The following INTS8 variants were observed in gnomAD, a reference collection of about 807,000 sequenced individuals.
INTS8 encodes protein kaonashi-1.
A neutral mutation model predicts 138.9 loss-of-function variants in INTS8; 47 were observed. The observed-to-expected ratio is 0.34, with a 90% CI of 0.27 to 0.43. The LOEUF (loss-of-function observed/expected upper bound fraction) is 0.43, where lower values mean the gene tolerates loss of function less well. INTS8 is among the 20% of genes least tolerant of loss of function. INTS8 has a pLI of 1.00. For synonymous variants in INTS8, 392 were observed against 400.9 expected, an observed-to-expected ratio of 0.98 and a Z score of 0.27; for missense variants, 996 against 1,173.0, an observed-to-expected ratio of 0.85 and a Z score of 2.20.
intron 6 of INTS8, among the ~76,000 whole-genome samples, 180 bp from the exon 7 acceptor site, chr8:94,836,344 G>C (rs1048246484): frequency 3.3e-5 from 5 of 152,112 alleles, no homozygotes; most frequent in African/African-American, 1.2e-4. Context: ...TGCTTAAGTT[G>C]ACCAGAGTTG....
chr8:94,861,291 T>C (rs1241475065), intron 16 of INTS8, among the ~76,000 whole-genome samples: 1 of 46,640 alleles, frequency 2.1e-5, no homozygotes, highest in African/African-American at 8.1e-5. Context: ...AGACGGAGTC[T>C]CGCTCTGTCG....
At chr8:94,837,042 GAT>G (rs1365182567) in intron 7 of INTS8, among the ~76,000 whole-genome samples, 2 of 152,114 alleles carry the variant, frequency 1.3e-5, no homozygotes, top group Admixed American at 6.6e-5. Flanking sequence ...TCAGATTTCA[GAT>G]ATGTTTAAGT....
chr8:94,861,750 C>T (rs1367472084), intron 16 of INTS8, among the ~76,000 whole-genome samples: 4 of 150,872 alleles, frequency 2.7e-5, no homozygotes, highest in Non-Finnish European at 4.4e-5. Flanking sequence ...TGGGGTTTCT[C>T]CATGTTAGTC....
intron 16 of INTS8, chr8:94,859,887 A>T: frequency 2.7e-6 from 1 of 371,318 alleles, no homozygotes; most frequent in Non-Finnish European, 5.0e-6. Flanking sequence ...CATTGGTGTA[A>T]TCCTAAGTAA....
chr8:94,844,214 T>C (rs539827102), intron 10 of INTS8, among the ~76,000 whole-genome samples: 2 of 151,986 alleles, frequency 1.3e-5, no homozygotes, highest in Non-Finnish European at 2.9e-5. Flanking sequence ...AATTTTTGTA[T>C]TTTTAGTAGA....
At position 94,838,535 on chromosome 8, in the gene INTS8, C is replaced by G; in HGVS notation, c.934C>G (p.Leu312Val). Residue 312 changes from leucine to valine, a missense_variant, in exon 8 of 27, where the codon CTT becomes GTT. Physicochemically the swap from Leu to Val is conservative, Grantham distance 32. Coordinates refer to ENST00000523731, the MANE Select transcript of INTS8 (RefSeq NM_017864.4). ...TGGCTATTGTCAAGCATGTGATGTT[C>G]TTGTACCTTCTTCTGATAGTACATC... ...LAGYCQACDVLVPSSDSTSQQ... is the reference protein window; with the variant it reads ...LAGYCQACDVVVPSSDSTSQQ... The G allele has an allele frequency of 6.2e-7, 1 of 1,612,218 alleles. No homozygotes were observed. Among genetic ancestry groups the G allele is most frequent in the South Asian group, 1.1e-5 (1 of 91,036 alleles).
chr8:94,880,175 C>G lies in INTS8; in HGVS notation c.2929C>G (p.Leu977Val), dbSNP rs1347185793. 1 of 1,612,330 alleles carries G rather than the reference C, an allele frequency of 6.2e-7. No homozygotes were observed. ...NASNPEEVLQ[L>V]AAQRRKKKFL... ...AAGCAATCCAGAAGAAGTGTTACAG[C>G]TGGCAGCGCAGAGAAGGAAAAAAAA... Residue 977 changes from leucine to valine, a missense_variant, in exon 27 of 27, where the codon CTG becomes GTG. By Grantham distance (32) the Leu-to-Val change is conservative. Coordinates refer to ENST00000523731, the MANE Select transcript of INTS8 (RefSeq NM_017864.4).
chr8:94,878,621 C>T (rs1055634869), intron 26 of INTS8, among the ~76,000 whole-genome samples: 3 of 152,196 alleles, frequency 2.0e-5, no homozygotes, highest in Non-Finnish European at 4.4e-5. Flanking sequence ...CAACCTCTCC[C>T]ATAGTCTATA....
intron 5 of INTS8, among the ~76,000 whole-genome samples, chr8:94,829,485 C>A (rs73269199): frequency 6.6e-6 from 1 of 151,958 alleles, no homozygotes; most frequent in South Asian, 2.1e-4. Context: ...GGCCATAATG[C>A]GAGCGATGGG....
intron 14 of INTS8, among the ~76,000 whole-genome samples, chr8:94,854,364 T>A (rs904774159): frequency 1.3e-5 from 2 of 152,212 alleles, no homozygotes; most frequent in African/African-American, 4.8e-5. Flanking sequence ...TTCTTTTTGC[T>A]TTACCGTTAT....
chr8:94,847,286 C>G (rs1335284630), intron 10 of INTS8, among the ~76,000 whole-genome samples: 1 of 152,156 alleles, frequency 6.6e-6, no homozygotes, highest in Non-Finnish European at 1.5e-5. Context: ...AAGTGATCCT[C>G]CCACCTCTGC....
chr8:94,857,677 C>T (rs1047020298), intron 15 of INTS8, among the ~76,000 whole-genome samples: 2 of 152,200 alleles, frequency 1.3e-5, no homozygotes, highest in African/African-American at 4.8e-5. Context: ...TGCATTGCTC[C>T]AGTCTCTGCT....
At chr8:94,862,663 A>G (rs146617954) in intron 16 of INTS8, among the ~76,000 whole-genome samples, 5 of 152,336 alleles carry the variant, frequency 3.3e-5, no homozygotes, top group Middle Eastern at 3.4e-3. Context: ...ATTGTCACTT[A>G]GATGTCTCTT....
rs1015744630 is a variant in INTS8, at chr8:94,850,174, C to T, written c.1507+83C>T. ...TAACCTTGAAATATATTTGAGGATT[C>T]TCTCTTGTTTTAATTAACACTTGTG... On this transcript the variant is annotated intron_variant, in intron 12 of 26. Transcript: ENST00000523731. The T allele has an allele frequency of 4.2e-6, 4 of 950,230 alleles. No homozygotes were observed. The African/African-American group carries it at 5.0e-5, about 12-fold the overall frequency. 58.9% of individuals were successfully genotyped at this position (950,230 alleles called of 1,614,324 possible).
rs773285659 is a variant in INTS8, at chr8:94,865,464, A to G, written c.2077-42A>G. 5.8e-6 allele frequency: 9 copies of G among 1,539,368 alleles called. No homozygotes were observed. The East Asian group carries it at 2.0e-4, about 35-fold the overall frequency. ...TGATAATAGAACTAATGTGCACGAC[A>G]TTACAGATTATCTTTTGTGTATTTT... On this transcript the variant is annotated intron_variant, in intron 16 of 26. Coordinates refer to ENST00000523731, the MANE Select transcript of INTS8 (RefSeq NM_017864.4).
chr8:94,836,558 A>G lies in INTS8; in HGVS notation c.788A>G (p.Gln263Arg). The stretch of plus-strand genomic sequence containing the variant: ...GATTTGGGCGCAGCATACTTCCAGC[A>G]AGGCTCCACAAATTCAGCTGTCTAT... Reference protein sequence around the residue: ...CYDLGAAYFQQGSTNSAVYEN... With the variant: ...CYDLGAAYFQRGSTNSAVYEN... Residue 263 changes from glutamine (Q) to arginine (R), a missense_variant, in exon 7 of 27, where the codon CAA (glutamine) becomes CGA (arginine). Transcript: ENST00000523731. 6.2e-7 allele frequency: 1 copy of G among 1,614,068 alleles called. No homozygotes were observed. The highest frequency in any genetic ancestry group is 8.5e-7 in the Non-Finnish European group (1 of 1,179,970).
chr8:94,859,874 A>T, intron 16 of INTS8: 6 of 421,998 alleles, frequency 1.4e-5, no homozygotes. Context: ...TTAACAGATA[A>T]CACATTGGTG....
intron 23 of INTS8, chr8:94,875,807 T>G (rs1586533579): frequency 2.6e-6 from 1 of 382,982 alleles, no homozygotes; most frequent in East Asian, 5.8e-5. Context: ...TTGGCAGTTT[T>G]CCATCCCCTT....
intron 1 of INTS8, 32 bp from the exon 2 acceptor site, chr8:94,824,861 A>C (rs899154715): frequency 2.8e-6 from 4 of 1,422,050 alleles, no homozygotes; most frequent in African/African-American, 1.6e-5. Flanking sequence ...TTAAAACTTA[A>C]ATTTAAGAAT....
Sources: gnomAD v4.1 joint callset for allele counts (sites outside exome capture counted in the v4.1 genomes callset) on GRCh38, gnomAD v4.1.1 for gene constraint, MANE v1.5 for transcripts, NCBI Gene and HGNC (gene_info 2026-07-23, HGNC 2026-07-21) for gene names.